Variants in CHRM3 observed in about 807,000 individuals in gnomAD.
CHRM3 encodes cholinergic receptor muscarinic 3.
A neutral mutation model predicts 41.8 loss-of-function variants in CHRM3; 11 were observed. The observed-to-expected ratio is 0.26, with a 90% CI of 0.17 to 0.44. The LOEUF (loss-of-function observed/expected upper bound fraction) is 0.44, where lower values mean the gene tolerates loss of function less well. Among genes scored for constraint, CHRM3 ranks in the 20% least tolerant of loss-of-function variants. The pLI is 1.00. For synonymous variants in CHRM3, 297 were observed against 301.4 expected (o/e 0.99, Z 0.15); for missense variants, 571 against 745.4 (o/e 0.77, Z 2.72).
At chr1:239,598,282 T>C (rs1665051408) in intron 3 of CHRM3, among the ~76,000 whole-genome samples, 1 of 152,130 alleles carries the variant, frequency 6.6e-6, no homozygotes, top group Non-Finnish European at 1.5e-5. Context: ...TCTGGATCTT[T>C]GTTGATTCAC....
intron 3 of CHRM3, among the ~76,000 whole-genome samples, chr1:239,578,144 ACAGAC>A (rs1448056632): frequency 6.6e-6 from 1 of 152,180 alleles, no homozygotes; most frequent in Non-Finnish European, 1.5e-5. Context: ...GTCATATCAC[ACAGAC>A]CATTGTCTCT....
At chr1:239,850,231 A>G (rs1674590251) in intron 6 of CHRM3, among the ~76,000 whole-genome samples, 2 of 152,202 alleles carry the variant, frequency 1.3e-5, no homozygotes, top group East Asian at 3.8e-4. Flanking sequence ...ATAAAATGTT[A>G]TTAAGAAAAC....
At chr1:239,525,244 G>A (rs569893958) in intron 2 of CHRM3, among the ~76,000 whole-genome samples, 1 of 152,246 alleles carries the variant, frequency 6.6e-6, no homozygotes, top group South Asian at 2.1e-4. Context: ...AGGCTGAGGT[G>A]GGTGAACTGC....
At chr1:239,723,660 G>A (rs1462120915) in intron 5 of CHRM3, among the ~76,000 whole-genome samples, 4 of 151,944 alleles carry the variant, frequency 2.6e-5, no homozygotes, top group Admixed American at 6.6e-5. Flanking sequence ...CTGATCATTT[G>A]CAGGATATAA....
chr1:239,856,634 A>T (rs1052506120), intron 6 of CHRM3, among the ~76,000 whole-genome samples: 6 of 152,096 alleles, frequency 3.9e-5, no homozygotes, highest in Non-Finnish European at 8.8e-5. Context: ...ACTAATACAG[A>T]TGGTATGAGA....
At chr1:239,623,162 G>C (rs990947841) in intron 3 of CHRM3, among the ~76,000 whole-genome samples, 1 of 151,908 alleles carries the variant, frequency 6.6e-6, no homozygotes, top group African/African-American at 2.4e-5. Context: ...TGTGCACAAC[G>C]TGCAGGTTTG....
chr1:239,517,697 G>A (rs551251469), intron 2 of CHRM3, among the ~76,000 whole-genome samples: 125 of 152,182 alleles, frequency 8.2e-4, no homozygotes, highest in African/African-American at 2.9e-3. Context: ...CCCACACCCA[G>A]GCACTACTTT....
chr1:239,397,696 T>C (rs1299587855), intron 1 of CHRM3, among the ~76,000 whole-genome samples: 1 of 147,510 alleles, frequency 6.8e-6, no homozygotes, highest in Non-Finnish European at 1.5e-5. Context: ...TTTATATATA[T>C]ATATATATAT....
At chr1:239,404,450 G>GAAAT (rs1558196061) in intron 1 of CHRM3, among the ~76,000 whole-genome samples, 2 of 137,690 alleles carry the variant, frequency 1.5e-5, no homozygotes, top group Admixed American at 1.5e-4. Context: ...AAGAAAGAAA[G>GAAAT]AAAGAAAGAA....
In CHRM3 at chr1:239,669,277, T is replaced by C. The variant is rs577704254; in HGVS notation, c.-249-8909T>C. Among the ~76,000 whole-genome samples, 25 of 152,324 alleles carry C rather than the reference T, an allele frequency of 1.6e-4. No individual in the cohort carries two copies. In the South Asian group the frequency reaches 5.0e-3, roughly 30 times the overall value. ...CCTTTTAAACTTTTTATACGCTCCT[T>C]TCTTTGTCTTTGTTATGTGAATTTG... On this transcript the variant is annotated intron_variant, in intron 4 of 6. Transcript: ENST00000676153.
At chr1:239,771,955 G>A (rs569259851) in intron 5 of CHRM3, among the ~76,000 whole-genome samples, 1 of 152,118 alleles carries the variant, frequency 6.6e-6, no homozygotes, top group Non-Finnish European at 1.5e-5. Flanking sequence ...GTTCTATCTT[G>A]GTTAAAAAGA....
At chr1:239,874,289 A>G (rs1270902682) in intron 6 of CHRM3, among the ~76,000 whole-genome samples, 4 of 66,854 alleles carry the variant, frequency 6.0e-5, no homozygotes, top group African/African-American at 2.9e-4. Context: ...TACACAGTAT[A>G]TATATATATA....
intron 6 of CHRM3, among the ~76,000 whole-genome samples, chr1:239,839,361 C>G (rs1315214008): frequency 6.6e-6 from 1 of 152,198 alleles, no homozygotes; most frequent in Non-Finnish European, 1.5e-5. Flanking sequence ...TCCAGTGGTT[C>G]TGCATACTGA....
intron 5 of CHRM3, among the ~76,000 whole-genome samples, chr1:239,750,911 T>A (rs1333554301): frequency 1.3e-5 from 2 of 152,140 alleles, no homozygotes; most frequent in East Asian, 1.9e-4. Flanking sequence ...TCCTGATGTA[T>A]CCTTTCATTG....
intron 1 of CHRM3, among the ~76,000 whole-genome samples, chr1:239,438,309 TAC>T (rs562039050): frequency 3.3e-5 from 5 of 152,096 alleles, no homozygotes; most frequent in Admixed American, 6.6e-5. Context: ...TTTTTTTTCA[TAC>T]ACACACACAC....
At chr1:239,761,231 G>T (rs919598952) in intron 5 of CHRM3, among the ~76,000 whole-genome samples, 2 of 152,110 alleles carry the variant, frequency 1.3e-5, no homozygotes, top group African/African-American at 4.8e-5. Flanking sequence ...GACGTTTGAT[G>T]TGGTTCTTTT....
intron 6 of CHRM3, among the ~76,000 whole-genome samples, chr1:239,892,609 T>G (rs1278445411): frequency 2.0e-5 from 3 of 152,198 alleles, no homozygotes; most frequent in Non-Finnish European, 4.4e-5. Context: ...AAATGAGACA[T>G]GCAGCTTTAA....
At chr1:239,602,109 T>TGTGTGTGTGTGC in intron 3 of CHRM3, among the ~76,000 whole-genome samples, 1 of 136,566 alleles carries the variant, frequency 7.3e-6, no homozygotes, top group Non-Finnish European at 1.5e-5. Context: ...TGTGTGTGTG[T>TGTGTGTGTGTGC]GTATATATAT....
In CHRM3 at chr1:239,410,054, G is replaced by A. The variant is rs113836564; in HGVS notation, c.-521+22827G>A. On this transcript the variant is annotated intron_variant, in intron 1 of 6. Transcript: ENST00000676153. ...ATGCTCTGGATACTAGAGCAGTCTC[G>A]ATTTAAAGTTATCTAGTGTTCTTTC... 6.1e-3 allele frequency among the ~76,000 whole-genome samples: 935 copies of A among 152,272 alleles called. 9 individuals carry two copies. The highest frequency in any genetic ancestry group is 0.021 in the African/African-American group (893 of 41,564).
Sources: allele counts gnomAD v4.1 joint callset (sites outside exome capture counted in the v4.1 genomes callset), GRCh38; gene constraint gnomAD v4.1.1; transcripts MANE v1.5; gene names NCBI Gene and HGNC (gene_info 2026-07-23, HGNC 2026-07-21).